RREB1: variants seen among roughly 807,000 people sequenced by gnomAD.
RREB1 encodes the protein ras-responsive element-binding protein 1.
RREB1 carries 27 observed loss-of-function variants against 117.8 expected under a neutral mutation model. The ratio of observed to expected loss-of-function variants is 0.23; its 90% CI spans 0.17 to 0.32. The LOEUF (loss-of-function observed/expected upper bound fraction) is 0.32, where lower values mean the gene tolerates loss of function less well. Ranked by LOEUF, RREB1 falls within the 10% of genes least tolerant of loss-of-function variation. RREB1 has a pLI of 1.00. For missense variants in RREB1, 2,577 were observed against 2,378.2 expected, an observed-to-expected ratio of 1.08 and a Z score of -1.74; for synonymous variants, 1,298 against 1,026.7, an observed-to-expected ratio of 1.26 and a Z score of -5.05.
intron 1 of RREB1, among the ~76,000 whole-genome samples, chr6:7,175,979 G>A (rs1561761770): frequency 6.6e-6 from 1 of 152,178 alleles, no homozygotes; most frequent in Non-Finnish European, 1.5e-5. Context: ...GTGCAGTGGT[G>A]CAATCTCAGC....
Position 7,146,765 on chromosome 6 carries a change from C to CT in RREB1, c.-284-29877dup, listed in dbSNP as rs752906899. Among the ~76,000 whole-genome samples, 1,025 of 129,116 alleles carry CT rather than the reference C, an allele frequency of 7.9e-3. 4 individuals are homozygous for CT. Among genetic ancestry groups the CT allele is most frequent in the South Asian group, 0.017 (68 of 3,930 alleles). 84.7% of individuals were successfully genotyped at this position (129,116 alleles called of 152,430 possible). A position where few individuals can be genotyped will look rare whatever the true frequency, so the allele number is the denominator to read the frequency against. ...CTGGTGTGTCGTGGCTTTCTTCTTTCTTTTTTTTTTTTTGGTGGGGAGGAG... is the reference window on the plus strand; with the variant it reads ...CTGGTGTGTCGTGGCTTTCTTCTTTCTTTTTTTTTTTTTTGGTGGGGAGGAG... On this transcript the variant is annotated intron_variant, in intron 1 of 12. Coordinates refer to ENST00000379938, the MANE Select transcript of RREB1 (RefSeq NM_001003699.4).
chr6:7,127,922 T>G (rs915748361), intron 1 of RREB1, among the ~76,000 whole-genome samples: 5 of 151,950 alleles, frequency 3.3e-5, no homozygotes, highest in African/African-American at 1.2e-4. Flanking sequence ...CAAAGGAGCA[T>G]CATGTGCCCG....
rs951610186 is a variant in RREB1, at chr6:7,124,252, G to A, written c.-285+16192G>A. On this transcript the variant is annotated intron_variant, in intron 1 of 12. Coordinates refer to ENST00000379938, the MANE Select transcript of RREB1 (RefSeq NM_001003699.4). ...CATTCTGCCCTGGAGAGTAGATGCT[G>A]TGTGGTCATGTGTTCCTTTTGTGGT... Among the ~76,000 whole-genome samples the A allele has an allele frequency of 9.2e-5, 14 of 152,302 alleles. No homozygotes were observed. In the East Asian group the frequency reaches 1.5e-3, roughly 17 times the overall value.
intron 4 of RREB1, among the ~76,000 whole-genome samples, chr6:7,186,645 G>T (rs1184210923): frequency 6.6e-6 from 1 of 152,116 alleles, no homozygotes; most frequent in East Asian, 1.9e-4. Flanking sequence ...TTGGAAAGAG[G>T]ATCTGTAGCA....
chr6:7,146,060 C>G (rs1197652303), intron 1 of RREB1, among the ~76,000 whole-genome samples: 5 of 151,934 alleles, frequency 3.3e-5, no homozygotes, highest in African/African-American at 1.2e-4. Context: ...CCACCGCCCC[C>G]CAGGACTTTA....
Position 7,229,233 on chromosome 6 carries a change from C to T in RREB1, c.1134C>T (p.Ala378=), listed in dbSNP as rs768363513. The change falls in exon 10 of 13, where the codon GCC becomes GCT. Residue 378 remains alanine (A), a synonymous_variant. Transcript: ENST00000379938. The surrounding 1 kb of genome is among the most constrained non-coding windows in gnomAD (Gnocchi z 4.5). The stretch of plus-strand genomic sequence containing the variant: ...AGCACACCAAAGACGTCAGGCCTGC[C>T]CCCGCCGAGGAGCCCCTGCCGGATG... The part of the protein sequence containing the change: ...GLQHTKDVRP[A]PAEEPLPDDN... The T allele has an allele frequency of 6.2e-7, 1 of 1,614,036 alleles. No individual in the cohort carries two copies. Among genetic ancestry groups the T allele is most frequent in the Non-Finnish European group, 8.5e-7 (1 of 1,179,990 alleles).
Position 7,230,716 on chromosome 6 carries a change from G to C in RREB1, c.2617G>C (p.Gly873Arg). Reference sequence around the variant, plus strand: ...ACCCCAGAACGGCTTTCTTCACAGGGGCCCCACCCAGCCTCCACCTCCCCA... The same window carrying C: ...ACCCCAGAACGGCTTTCTTCACAGGCGCCCCACCCAGCCTCCACCTCCCCA... ...LEPQNGFLHR[G>R]PTQPPPPHVS... The change falls in exon 10 of 13, where the codon GGC becomes CGC. Residue 873 changes from glycine to arginine, a missense_variant. Transcript: ENST00000379938. 1 of 1,597,084 alleles carries C rather than the reference G, an allele frequency of 6.3e-7. No homozygotes were observed. The highest frequency in any genetic ancestry group is 8.5e-7 in the Non-Finnish European group (1 of 1,170,868).
intron 8 of RREB1, among the ~76,000 whole-genome samples, chr6:7,219,813 G>T (rs572097393): frequency 1.3e-5 from 2 of 152,284 alleles, no homozygotes; most frequent in African/African-American, 4.8e-5. Context: ...TTACATACCA[G>T]GGGCCATGTA....
intron 1 of RREB1, among the ~76,000 whole-genome samples, chr6:7,149,127 T>C (rs1189784772): frequency 6.6e-6 from 1 of 152,198 alleles, no homozygotes; most frequent in East Asian, 1.9e-4. Flanking sequence ...TTCACCATAT[T>C]GGTCAGGCTG....
At chr6:7,181,275 TCTTTCCCTC>T (rs1056283685) in intron 3 of RREB1, 29 bp downstream of exon 3, 2 of 398,644 alleles carry the variant, frequency 5.0e-6, no homozygotes, top group African/African-American at 4.1e-5. Flanking sequence ...GGAGGGTTCT[TCTTTCCCTC>T]CTAGGGTACG....
chr6:7,247,973 T>C (rs1769196284), intron 12 of RREB1, among the ~76,000 whole-genome samples: 1 of 152,220 alleles, frequency 6.6e-6, no homozygotes. Flanking sequence ...TGCCCTGCGC[T>C]TGCCCGTGTG....
chr6:7,131,257 A>G (rs918453160), intron 1 of RREB1, among the ~76,000 whole-genome samples: 16 of 152,122 alleles, frequency 1.1e-4, no homozygotes, highest in African/African-American at 3.9e-4. Context: ...AATATGTACC[A>G]TCGTATGCCA....
chr6:7,146,238 G>T (rs1322367288), intron 1 of RREB1, among the ~76,000 whole-genome samples: 1 of 152,204 alleles, frequency 6.6e-6, no homozygotes, highest in African/African-American at 2.4e-5. Flanking sequence ...CTTGCCATCT[G>T]TTTCTAGAGC....
chr6:7,178,622 G>T (rs74833259), intron 2 of RREB1, among the ~76,000 whole-genome samples: 4,754 of 152,292 alleles, frequency 0.031, 193 homozygotes, highest in African/African-American at 0.09. Flanking sequence ...CCAAGGGGCT[G>T]GTTGTTGGTT....
intron 1 of RREB1, among the ~76,000 whole-genome samples, chr6:7,169,473 T>C (rs1413486392): frequency 2.0e-5 from 3 of 152,204 alleles, no homozygotes; most frequent in South Asian, 4.2e-4. Context: ...TGAAAAACAA[T>C]GTTTAGGAAA....
At chr6:7,242,650 C>A (rs554103574) in intron 11 of RREB1, among the ~76,000 whole-genome samples, 4 of 150,126 alleles carry the variant, frequency 2.7e-5, no homozygotes, top group East Asian at 2.0e-4. Context: ...GTTCCCCCCC[C>A]CCAGTGAAGT....
rs1214592857 is a variant in RREB1 at position 7,229,818 on chromosome 6, G to A, written c.1719G>A (p.Ala573=). The change falls in exon 10 of 13, where the codon GCG becomes GCA. Residue 573 remains alanine (A), a synonymous_variant. Coordinates refer to ENST00000379938, the MANE Select transcript of RREB1 (RefSeq NM_001003699.4). The surrounding 1 kb of genome is among the most constrained non-coding windows in gnomAD (Gnocchi z 4.5). ...LQSKSGTQPH[A]ATRLSLQQPR... The stretch of plus-strand genomic sequence containing the variant: ...CCAAGTCCGGGACCCAGCCCCACGC[G>A]GCCACGCGGCTCTCCCTGCAGCAGC... 3 of 1,610,188 alleles carry A rather than the reference G, an allele frequency of 1.9e-6. No homozygotes were observed. The highest frequency in any genetic ancestry group is 2.5e-6 in the Non-Finnish European group (3 of 1,178,536).
intron 2 of RREB1, among the ~76,000 whole-genome samples, chr6:7,177,868 A>G (rs1169389763): frequency 6.6e-6 from 1 of 152,036 alleles, no homozygotes; most frequent in Non-Finnish European, 1.5e-5. Flanking sequence ...GATTACAGGC[A>G]TGTGCCACCA....
At chr6:7,234,783 A>T (rs1768219404) in intron 10 of RREB1, among the ~76,000 whole-genome samples, 1 of 152,190 alleles carries the variant, frequency 6.6e-6, no homozygotes, top group Admixed American at 6.5e-5. Context: ...ACTTTTAAGG[A>T]GCTAAGTAAC....
Sources: gnomAD v4.1 joint callset for allele counts (sites outside exome capture counted in the v4.1 genomes callset) on GRCh38, gnomAD v4.1.1 for gene constraint, Gnocchi (gnomAD v3.1) non-coding constraint, MANE v1.5 for transcripts, NCBI Gene and HGNC (gene_info 2026-07-23, HGNC 2026-07-21) for gene names.